C10orf90: variants seen among roughly 807,000 people sequenced by gnomAD.
C10orf90 encodes the protein (E2-independent) E3 ubiquitin-conjugating enzyme FATS.
In C10orf90, 56 loss-of-function variants were observed where a neutral mutation model predicts 62.5. The observed-to-expected ratio is 0.90, with a 90% CI of 0.72 to 1.12. The LOEUF (loss-of-function observed/expected upper bound fraction) is 1.12. Among genes scored for constraint, C10orf90 ranks in the 50% most tolerant of loss-of-function variants. The probability of loss-of-function intolerance (pLI) is 0.00; values close to 1 mark genes in which losing one functional copy is unlikely to be tolerated. For missense variants in C10orf90, 970 were observed against 880.4 expected (o/e 1.10, Z -1.29); for synonymous variants, 386 against 340.4 (o/e 1.13, Z -1.47).
rs2366854 is a variant in C10orf90 at position 126,539,473 on chromosome 10, G to A, written c.314-25534C>T. The stretch of plus-strand genomic sequence containing the variant: ...TTCATATCAAAGAAGCTACTGCCAT[G>A]TACCATGCTAGTTAAAATGAGAGGC... On this transcript the variant is annotated intron_variant, in intron 2 of 9. Coordinates refer to ENST00000488181, the MANE Select transcript of C10orf90 (RefSeq NM_001350921.2). Among the ~76,000 whole-genome samples the A allele has an allele frequency of 8.6e-5, 13 of 152,012 alleles. No homozygotes were observed. In the South Asian group the frequency reaches 2.3e-3, roughly 27 times the overall value.
Position 126,658,996 on chromosome 10 carries a change from C to T in C10orf90, c.240+11245G>A, listed in dbSNP as rs150465673. ...AAATAGCCATTATTGTGGAGCTACT[C>T]CACAGAGTCTTCATGGTTTCTTTTC... On this transcript the variant is annotated intron_variant, in intron 1 of 9. Transcript: ENST00000488181. Among the ~76,000 whole-genome samples, 500 of 152,340 alleles carry T rather than the reference C, an allele frequency of 3.3e-3. 1 individual carries two copies. Among genetic ancestry groups the T allele is most frequent in the Non-Finnish European group, 5.3e-3 (360 of 68,038 alleles).
chr10:126,441,938 A>T (rs1858356039), intron 7 of C10orf90, among the ~76,000 whole-genome samples: 1 of 152,190 alleles, frequency 6.6e-6, no homozygotes, highest in African/African-American at 2.4e-5. Context: ...TCTTTAAAGC[A>T]TAAATCTCAC....
intron 2 of C10orf90, among the ~76,000 whole-genome samples, chr10:126,546,367 G>A (rs1273764211): frequency 6.6e-6 from 1 of 152,228 alleles, no homozygotes; most frequent in Non-Finnish European, 1.5e-5. Context: ...ACCCCTGCCT[G>A]CCCCCAGGTT....
chr10:126,511,426 T>C (rs1197777216), intron 3 of C10orf90, among the ~76,000 whole-genome samples: 2 of 151,544 alleles, frequency 1.3e-5, no homozygotes, highest in Non-Finnish European at 2.9e-5. Flanking sequence ...TGGTATTAAG[T>C]GCATTCATAA....
chr10:126,532,201 C>T (rs1434022051), intron 2 of C10orf90, among the ~76,000 whole-genome samples: 1 of 152,168 alleles, frequency 6.6e-6, no homozygotes, highest in Non-Finnish European at 1.5e-5. Flanking sequence ...TCTCAGCCTG[C>T]CATGTCCCTA....
At chr10:126,665,605 A>G (rs1846610592) in intron 1 of C10orf90, among the ~76,000 whole-genome samples, 1 of 152,184 alleles carries the variant, frequency 6.6e-6, no homozygotes. Context: ...CCGCTAGGAA[A>G]CAATGATTTC....
chr10:126,621,843 T>C (rs998368332), intron 2 of C10orf90, among the ~76,000 whole-genome samples: 1 of 152,222 alleles, frequency 6.6e-6, no homozygotes, highest in Non-Finnish European at 1.5e-5. Flanking sequence ...AATATGCAGC[T>C]ATTCATGCTT....
Position 126,513,762 on chromosome 10 carries a change from C to T in C10orf90, c.405+86G>A. Reference sequence around the variant, plus strand: ...AATTTTGACTAAATAAAATAAAATGCAATCACATCACAAGTAGGTCAGTGA... The same window carrying T: ...AATTTTGACTAAATAAAATAAAATGTAATCACATCACAAGTAGGTCAGTGA... On this transcript the variant is annotated intron_variant, in intron 3 of 9. Transcript: ENST00000488181. 5 of 774,920 alleles carry T rather than the reference C, an allele frequency of 6.5e-6. No individual in the cohort carries two copies. The Middle Eastern group carries it at 9.5e-4, about 147-fold the overall frequency. 48.0% of individuals were successfully genotyped at this position (774,920 alleles called of 1,614,324 possible).
intron 7 of C10orf90, 91 bp downstream of exon 7, chr10:126,458,949 T>G: frequency 7.5e-7 from 1 of 1,341,672 alleles, no homozygotes; most frequent in South Asian, 1.4e-5. Context: ...AGTGGCATCA[T>G]TTGGAGCCAT....
At position 126,634,910 on chromosome 10, in the gene C10orf90, G is replaced by A. The variant is rs138502071; in HGVS notation, c.313+11655C>T. ...CACAAAATTTTAATCCGTGCTCTGG[G>A]CACCCCAAGCTAAGAATCCACATTC... On this transcript the variant is annotated intron_variant, in intron 2 of 9. Transcript: ENST00000488181. Among the ~76,000 whole-genome samples, 336 of 152,254 alleles carry A rather than the reference G, an allele frequency of 2.2e-3. 2 individuals are homozygous for A. Among genetic ancestry groups the A allele is most frequent in the Non-Finnish European group, 3.7e-3 (249 of 68,030 alleles).
chr10:126,629,532 G>A (rs1845811302), intron 2 of C10orf90, among the ~76,000 whole-genome samples: 1 of 152,218 alleles, frequency 6.6e-6, no homozygotes, highest in Admixed American at 6.5e-5. Context: ...AGAGCTACCA[G>A]CTGCCTGACA....
At chr10:126,538,363 A>G (rs1864292681) in intron 2 of C10orf90, among the ~76,000 whole-genome samples, 1 of 152,188 alleles carries the variant, frequency 6.6e-6, no homozygotes, top group Admixed American at 6.5e-5. Context: ...CATATCAATG[A>G]TGCTTTTGCC....
At chr10:126,667,684 G>A (rs187763525) in intron 1 of C10orf90, among the ~76,000 whole-genome samples, 9 of 152,226 alleles carry the variant, frequency 5.9e-5, no homozygotes, top group Non-Finnish European at 1.3e-4. Flanking sequence ...GCAAAACCAC[G>A]CAAGCTCTGC....
Position 126,570,860 on chromosome 10 carries a change from C to A in C10orf90, c.314-56921G>T, listed in dbSNP as rs1166599785. Reference sequence around the variant, plus strand: ...CCAGTCTTTCAAAATAATATGATCTCATTTAAAAGAAAAAAAAGTGAAACT... The same window carrying A: ...CCAGTCTTTCAAAATAATATGATCTAATTTAAAAGAAAAAAAAGTGAAACT... On this transcript the variant is annotated intron_variant, in intron 2 of 9. Transcript: ENST00000488181. Among the ~76,000 whole-genome samples, 3 of 152,072 alleles carry A rather than the reference C, an allele frequency of 2.0e-5. No homozygotes were observed. The East Asian group carries it at 5.8e-4, about 29-fold the overall frequency.
intron 2 of C10orf90, among the ~76,000 whole-genome samples, chr10:126,557,283 C>T (rs374275817): frequency 6.6e-6 from 1 of 151,918 alleles, no homozygotes; most frequent in South Asian, 2.1e-4. Flanking sequence ...AGATTGAGAC[C>T]ATCCTGGCTA....
chr10:126,536,917 C>T (rs1041359634), intron 2 of C10orf90, among the ~76,000 whole-genome samples: 2 of 152,042 alleles, frequency 1.3e-5, no homozygotes, highest in African/African-American at 4.8e-5. Context: ...GTGGAACCTG[C>T]AATAGGAACA....
At chr10:126,638,752 G>A (rs182525062) in intron 2 of C10orf90, among the ~76,000 whole-genome samples, 21 of 152,166 alleles carry the variant, frequency 1.4e-4, no homozygotes, top group Admixed American at 2.6e-4. Flanking sequence ...AAGTCACCCC[G>A]CCCTCTTTTT....
chr10:126,429,497 C>G (rs957612717), intron 8 of C10orf90, among the ~76,000 whole-genome samples: 1 of 152,220 alleles, frequency 6.6e-6, no homozygotes, highest in Non-Finnish European at 1.5e-5. Context: ...TACTAATATG[C>G]AGGAGTTCCA....
intron 4 of C10orf90, among the ~76,000 whole-genome samples, chr10:126,489,836 T>C (rs1000324228): frequency 2.0e-5 from 3 of 150,216 alleles, no homozygotes; most frequent in Non-Finnish European, 4.4e-5. Flanking sequence ...AACCCAAGTG[T>C]CCATCAACAG....
Sources: gnomAD v4.1 joint callset for allele counts (sites outside exome capture counted in the v4.1 genomes callset) on GRCh38, gnomAD v4.1.1 for gene constraint, MANE v1.5 for transcripts, NCBI Gene and HGNC (gene_info 2026-07-23, HGNC 2026-07-21) for gene names.